Variants in LPIN1 observed in about 807,000 individuals in gnomAD.
The protein encoded by LPIN1 is lipin 1.
LPIN1 carries 71 observed loss-of-function variants against 107.5 expected under a neutral mutation model. The ratio of observed to expected loss-of-function variants is 0.66; its 90% CI spans 0.55 to 0.80. The LOEUF (loss-of-function observed/expected upper bound fraction) is 0.80. Ranked by LOEUF, LPIN1 falls within the 30% of genes least tolerant of loss-of-function variation. LPIN1 has a pLI of 0.00. For missense variants in LPIN1, 1,043 were observed against 1,160.6 expected, an observed-to-expected ratio of 0.90 and a Z score of 1.47; for synonymous variants, 445 against 452.6, an observed-to-expected ratio of 0.98 and a Z score of 0.21.
chr2:11,723,445 C>CA (rs1664308378), upstream of LPIN1: 1 of 152,142 alleles, frequency 6.6e-6, no homozygotes, highest in Non-Finnish European at 1.5e-5. Context: ...ATCACGAGGT[C>CA]AGGAGATCGA....
intron 6 of LPIN1, among the ~76,000 whole-genome samples, chr2:11,779,298 C>A (rs1047821543): frequency 2.0e-5 from 3 of 152,152 alleles, no homozygotes; most frequent in Admixed American, 6.5e-5. Context: ...CGCGGTGCAC[C>A]AGGCGGCAGG....
chr2:11,773,339 T>C (rs572732719), intron 4 of LPIN1, among the ~76,000 whole-genome samples: 7 of 152,322 alleles, frequency 4.6e-5, no homozygotes, highest in Admixed American at 2.0e-4. Flanking sequence ...GGTGGCACGA[T>C]GGGAGGATCC....
In LPIN1 at chr2:11,804,576, G is replaced by A. The variant is rs773021902; in HGVS notation, c.2162+5G>A. On this transcript the variant is annotated splice_donor_5th_base_variant and intron_variant, in intron 16 of 20. Transcript: ENST00000674199. ...TATTGATGGGACAATTACCAGGTAGGTCCTGCTGACTTGGGGCCCATGGTA... is the reference window on the plus strand; with the variant it reads ...TATTGATGGGACAATTACCAGGTAGATCCTGCTGACTTGGGGCCCATGGTA... 2.1e-5 allele frequency: 34 copies of A among 1,613,818 alleles called. 1 individual carries two copies. The highest frequency in any genetic ancestry group is 2.8e-5 in the Non-Finnish European group (33 of 1,180,030).
intron 20 of LPIN1, among the ~76,000 whole-genome samples, chr2:11,824,315 G>A (rs554641186): frequency 6.6e-6 from 1 of 151,388 alleles, no homozygotes; most frequent in African/African-American, 2.4e-5. Flanking sequence ...CCCTGCAGCA[G>A]GCGCTATCCC....
chr2:11,740,733 A>AGAAG (rs1666281799), intron 1 of LPIN1, among the ~76,000 whole-genome samples: 1 of 151,500 alleles, frequency 6.6e-6, no homozygotes, highest in African/African-American at 2.4e-5. Flanking sequence ...AAAGAAAGAA[A>AGAAG]GAAAGAAAGA....
intron 1 of LPIN1, among the ~76,000 whole-genome samples, chr2:11,735,522 T>C (rs1329389975): frequency 6.6e-6 from 1 of 152,222 alleles, no homozygotes; most frequent in Non-Finnish European, 1.5e-5. Context: ...TTTCCTGTGA[T>C]AGCTTAGCTT....
Position 11,749,211 on chromosome 2 carries a change from T to A in LPIN1, c.-10+2540T>A, listed in dbSNP as rs538257190. Among the ~76,000 whole-genome samples the A allele has an allele frequency of 6.2e-4, 95 of 152,254 alleles. 3 individuals are homozygous for A. The highest frequency in any genetic ancestry group is 7.4e-5 in the Non-Finnish European group (5 of 68,022). On this transcript the variant is annotated intron_variant, in intron 1 of 20. Transcript: ENST00000674199. Reference sequence around the variant, plus strand: ...GTTCTTCATTCAGAAGAGGCCCAGGTGCCTATCGGATGGCTGTTTCTGAAA... The same window carrying A: ...GTTCTTCATTCAGAAGAGGCCCAGGAGCCTATCGGATGGCTGTTTCTGAAA...
chr2:11,792,995 C>T (rs932538332), intron 13 of LPIN1, among the ~76,000 whole-genome samples: 1 of 152,198 alleles, frequency 6.6e-6, no homozygotes, highest in Admixed American at 6.5e-5. Context: ...CTTTTCCCTT[C>T]TGCCCATGCG....
chr2:11,796,265 C>T (rs1676696729), intron 14 of LPIN1, among the ~76,000 whole-genome samples: 1 of 152,216 alleles, frequency 6.6e-6, no homozygotes, highest in Admixed American at 6.5e-5. Flanking sequence ...CACTGCCCCA[C>T]AGAGTAGTCG....
At chr2:11,790,441 C>G (rs1675521013) in intron 12 of LPIN1, among the ~76,000 whole-genome samples, 1 of 152,164 alleles carries the variant, frequency 6.6e-6, no homozygotes, top group Admixed American at 6.5e-5. Flanking sequence ...TAGTTCAAGA[C>G]TTGGTCACAT....
At chr2:11,779,402 A>G in intron 6 of LPIN1, 117 bp from the exon 7 acceptor site, 1 of 1,116,644 alleles carries the variant, frequency 9.0e-7, no homozygotes, top group South Asian at 1.3e-5. Flanking sequence ...GGCTCCGCTC[A>G]GAGCGAACGA....
chr2:11,822,205 T>TG (rs1681644767), intron 20 of LPIN1, among the ~76,000 whole-genome samples: 1 of 143,446 alleles, frequency 7.0e-6, no homozygotes, highest in Non-Finnish European at 1.5e-5. Flanking sequence ...CCGAGGTGGG[T>TG]GGATCACCTG....
At chr2:11,746,566 G>C (rs900701963), upstream of LPIN1, 16 of 807,008 alleles carry the variant, frequency 2.0e-5, no homozygotes, top group Non-Finnish European at 2.4e-5. Context: ...CCCCGCCCCT[G>C]CCCTCTGCCC....
At chr2:11,815,858 G>A (rs777478837) in intron 18 of LPIN1, among the ~76,000 whole-genome samples, 8 of 152,060 alleles carry the variant, frequency 5.3e-5, no homozygotes, top group Non-Finnish European at 8.8e-5. Flanking sequence ...AGGTAGCTAA[G>A]CCAGACTAAC....
Position 11,677,692 on chromosome 2 carries a change from G to A in LPIN1, c.45G>A (p.Ser15=), listed in dbSNP as rs145228255. ...TTCGCAGCTCCAGCTGGGAGACCTC[G>A]CAGGGCAAGAGCTCCCCAGACTCGG... Residue 15 remains serine (S), a synonymous_variant, in exon 1 of 22, where the codon TCG becomes TCA. Transcript: ENST00000449576. The A allele has an allele frequency of 1.1e-3, 1,689 of 1,535,712 alleles. 13 individuals carry two copies. The African/African-American group carries it at 0.02, about 18-fold the overall frequency.
At chr2:11,701,212 T>C (rs1428973884) in intron 1 of LPIN1, among the ~76,000 whole-genome samples, 1 of 152,190 alleles carries the variant, frequency 6.6e-6, no homozygotes, top group South Asian at 2.1e-4. Flanking sequence ...CCCTCCTGGG[T>C]ACCTGGCCCT....
chr2:11,767,813 A>G lies in LPIN1; in HGVS notation c.243A>G (p.Gly81=), dbSNP rs763179525. Residue 81 remains glycine (G), a synonymous_variant, in exon 3 of 21, where the codon GGA becomes GGG. Transcript: ENST00000674199. ...GESVDLHMKL[G]DNGEAFFVQE... ...CTGTGGATTTGCATATGAAATTGGG[A>G]GATAATGGAGAAGCATTTTTTGTTC... 6.2e-7 allele frequency: 1 copy of G among 1,613,274 alleles called. No individual in the cohort carries two copies. The highest frequency in any genetic ancestry group is 1.7e-5 in the Admixed American group (1 of 60,030).
At chr2:11,784,289 GTGAGACTCCA>G in intron 9 of LPIN1, 13 of 925,484 alleles carry the variant, frequency 1.4e-5, no homozygotes, top group Non-Finnish European at 1.7e-5. Flanking sequence ...GGGCCACAGA[GTGAGACTCCA>G]TCTCAAAAAA....
chr2:11,755,753 G>A (rs1253972285), intron 1 of LPIN1, among the ~76,000 whole-genome samples: 15 of 147,760 alleles, frequency 1.0e-4, no homozygotes, highest in Non-Finnish European at 1.0e-4. Flanking sequence ...ACAGAGTCTC[G>A]CTCTGTCGCC....
Sources: allele counts gnomAD v4.1 joint callset (sites outside exome capture counted in the v4.1 genomes callset), GRCh38; gene constraint gnomAD v4.1.1; transcripts MANE v1.5; gene names NCBI Gene and HGNC (gene_info 2026-07-23, HGNC 2026-07-21).